Variants in TRAM1 observed in about 807,000 individuals in gnomAD.
TRAM1 encodes the protein translocating chain-associated membrane protein 1.
Under a neutral mutation model 48.7 loss-of-function variants are expected in TRAM1, and 17 were observed. The observed-to-expected ratio is 0.35, with a 90% CI of 0.24 to 0.52. The LOEUF is 0.52. TRAM1 is among the 20% of genes least tolerant of loss of function. The probability of loss-of-function intolerance (pLI) is 0.94; values close to 1 mark genes in which losing one functional copy is unlikely to be tolerated. For synonymous variants in TRAM1, 182 were observed against 154.0 expected, an observed-to-expected ratio of 1.18 and a Z score of -1.34; for missense variants, 351 against 441.5, an observed-to-expected ratio of 0.79 and a Z score of 1.84.
At chr8:70,590,879 C>CA (rs1817340138) in intron 6 of TRAM1, among the ~76,000 whole-genome samples, 1 of 152,104 alleles carries the variant, frequency 6.6e-6, no homozygotes, top group African/African-American at 2.4e-5. Flanking sequence ...TTTGTACACT[C>CA]AAAGCTTACC....
At chr8:70,607,046 G>A in intron 1 of TRAM1, 1 of 885,638 alleles carries the variant, frequency 1.1e-6, no homozygotes, top group Non-Finnish European at 1.4e-6. Flanking sequence ...CAGGAGAGAG[G>A]AGACAAAACA....
chr8:70,589,745 G>C (rs1221951200), intron 6 of TRAM1, among the ~76,000 whole-genome samples: 1 of 152,188 alleles, frequency 6.6e-6, no homozygotes, highest in African/African-American at 2.4e-5. Context: ...GGCTGAAGTA[G>C]TAGGATTGCT....
chr8:70,593,212 C>G (rs1004791243), intron 6 of TRAM1, among the ~76,000 whole-genome samples: 1 of 152,036 alleles, frequency 6.6e-6, no homozygotes, highest in African/African-American at 2.4e-5. Flanking sequence ...CTAATCCTAG[C>G]AGACAACATG....
chr8:70,581,984 G>C (rs1817086025), intron 10 of TRAM1, among the ~76,000 whole-genome samples: 1 of 152,086 alleles, frequency 6.6e-6, no homozygotes, highest in African/African-American at 2.4e-5. Context: ...GATGCTAAGG[G>C]GCATGGGGTT....
chr8:70,601,666 C>T (rs936345679), intron 1 of TRAM1, among the ~76,000 whole-genome samples: 2 of 152,094 alleles, frequency 1.3e-5, no homozygotes, highest in Non-Finnish European at 2.9e-5. Context: ...AGCATGCAGC[C>T]AAGAATGAAA....
intron 10 of TRAM1, among the ~76,000 whole-genome samples, chr8:70,582,218 C>T (rs569167795): frequency 1.3e-5 from 2 of 151,614 alleles, no homozygotes; most frequent in South Asian, 2.1e-4. Flanking sequence ...ATCCCTAAAT[C>T]GATCTACAGA....
At chr8:70,605,943 A>G (rs1346332056) in intron 1 of TRAM1, among the ~76,000 whole-genome samples, 1 of 152,228 alleles carries the variant, frequency 6.6e-6, no homozygotes, top group Non-Finnish European at 1.5e-5. Flanking sequence ...AGTTTATATA[A>G]AATCAAAGTT....
intron 10 of TRAM1, among the ~76,000 whole-genome samples, chr8:70,577,718 G>C (rs1225260667): frequency 6.6e-6 from 1 of 152,234 alleles, no homozygotes; most frequent in Non-Finnish European, 1.5e-5. Context: ...TGACAAGAAA[G>C]AGAGAAGAGC....
intron 8 of TRAM1, among the ~76,000 whole-genome samples, chr8:70,586,517 T>A (rs1817224998): frequency 6.6e-6 from 1 of 152,194 alleles, no homozygotes; most frequent in Non-Finnish European, 1.5e-5. Flanking sequence ...CTGTTTTCAG[T>A]TCAATTTCAC....
chr8:70,579,961 A>AAACAAATGGCACTACTACGT (rs1817040591), intron 10 of TRAM1, among the ~76,000 whole-genome samples: 1 of 152,210 alleles, frequency 6.6e-6, no homozygotes, highest in Non-Finnish European at 1.5e-5. Flanking sequence ...ATCTTAAAGA[A>AAACAAATGGCACTACTACGT]AACAAATGGC....
intron 6 of TRAM1, among the ~76,000 whole-genome samples, chr8:70,589,486 A>AT (rs1440096909): frequency 6.6e-6 from 1 of 152,220 alleles, no homozygotes; most frequent in Non-Finnish European, 1.5e-5. Flanking sequence ...TGGTGTGTAC[A>AT]TTGGTACTGA....
chr8:70,580,582 A>C (rs569114851), intron 10 of TRAM1, among the ~76,000 whole-genome samples: 1 of 152,196 alleles, frequency 6.6e-6, no homozygotes, highest in Non-Finnish European at 1.5e-5. Context: ...AAAAACCCAT[A>C]GCTAACATCA....
intron 10 of TRAM1, among the ~76,000 whole-genome samples, chr8:70,578,066 C>T (rs904451420): frequency 4.6e-5 from 7 of 152,116 alleles, no homozygotes; most frequent in East Asian, 1.9e-4. Flanking sequence ...GGATCTGGGC[C>T]GGTAGCTTAA....
chr8:70,607,546 G>A, intron 1 of TRAM1: 4 of 949,500 alleles, frequency 4.2e-6, no homozygotes, highest in Non-Finnish European at 5.0e-6. Flanking sequence ...GAGCTACCGG[G>A]GGCTCCCCTG....
intron 1 of TRAM1, among the ~76,000 whole-genome samples, chr8:70,602,936 C>T (rs1817633606): frequency 6.6e-6 from 1 of 152,064 alleles, no homozygotes; most frequent in South Asian, 2.1e-4. Context: ...GGGAGGTGAA[C>T]AAAACGTAGG....
At chr8:70,575,195 T>C (rs1445399519) in intron 10 of TRAM1, among the ~76,000 whole-genome samples, 190 bp from the exon 11 acceptor site, 1 of 152,020 alleles carries the variant, frequency 6.6e-6, no homozygotes. Context: ...AGTAGCAAAT[T>C]AAAAGAAAAC....
intron 8 of TRAM1, among the ~76,000 whole-genome samples, chr8:70,584,971 A>G (rs1039437989): frequency 1.5e-4 from 23 of 152,234 alleles, no homozygotes; most frequent in Non-Finnish European, 2.9e-4. Flanking sequence ...CGCATCACCA[A>G]GTCAATCCTA....
intron 10 of TRAM1, among the ~76,000 whole-genome samples, chr8:70,575,829 C>A (rs893593731): frequency 1.3e-5 from 2 of 152,030 alleles, no homozygotes; most frequent in African/African-American, 4.8e-5. Flanking sequence ...GTAATCCCAG[C>A]ACTTTGGGAG....
rs72665794 is a variant in TRAM1, at chr8:70,596,496, T to C, written c.427-175A>G. Among the ~76,000 whole-genome samples the C allele has an allele frequency of 4.4e-3, 668 of 152,300 alleles. 1 individual carries two copies. Among genetic ancestry groups the C allele is most frequent in the Middle Eastern group, 0.041 (12 of 294 alleles). On this transcript the variant is annotated intron_variant, in intron 4 of 10. Transcript: ENST00000262213. ...TTTCAAGCCAATTTGAGTTGGTTAC[T>C]TGAGCAAAATGAAAATCAATGATAG...
Sources: gnomAD v4.1 joint callset for allele counts (sites outside exome capture counted in the v4.1 genomes callset) on GRCh38, gnomAD v4.1.1 for gene constraint, MANE v1.5 for transcripts, NCBI Gene and HGNC (gene_info 2026-07-23, HGNC 2026-07-21) for gene names.